TBX4: variants seen among roughly 807,000 people sequenced by gnomAD.
The protein encoded by TBX4 is T-box transcription factor 4, also known as T-box transcription factor TBX4.
In TBX4, 13 loss-of-function variants were observed where a neutral mutation model predicts 54.6. That is an observed-to-expected ratio of 0.24 (90% CI 0.15 to 0.38). TBX4 has a LOEUF of 0.38. TBX4 is among the 10% of genes least tolerant of loss of function. The pLI is 1.00. For synonymous variants in TBX4, 314 were observed against 306.7 expected, an observed-to-expected ratio of 1.02 and a Z score of -0.25; for missense variants, 631 against 728.5, an observed-to-expected ratio of 0.87 and a Z score of 1.54.
chr17:61,471,131 C>T (rs2143834745), intron 5 of TBX4, among the ~76,000 whole-genome samples: 1 of 152,334 alleles, frequency 6.6e-6, no homozygotes, highest in Non-Finnish European at 1.5e-5. Flanking sequence ...CATTAGTCCC[C>T]TTAATATGCG....
chr17:61,470,637 G>A (rs1381911248), intron 5 of TBX4, among the ~76,000 whole-genome samples: 5 of 152,194 alleles, frequency 3.3e-5, no homozygotes, highest in East Asian at 3.9e-4. Flanking sequence ...AGACCTGGGC[G>A]TCAGCTCCAG....
chr17:61,468,372 T>C, intron 5 of TBX4, among the ~76,000 whole-genome samples: 1 of 152,230 alleles, frequency 6.6e-6, no homozygotes, highest in East Asian at 1.9e-4. Context: ...CTCAAGTGTG[T>C]GGCAAACAGA....
At position 61,482,902 on chromosome 17, in the gene TBX4, G is replaced by A. The variant is rs767227688; in HGVS notation, c.1027G>A (p.Gly343Ser). Residue 343 changes from glycine (G) to serine (S), a missense_variant, in exon 9 of 9, where the codon GGT becomes AGT. This residue lies in a region of TBX4 where 354 missense variants were observed against 368.9 expected (regional missense o/e 0.96). Transcript: ENST00000644296. ...FYHCLKRRADGTRHLDLPCKR... is the reference protein window; with the variant it reads ...FYHCLKRRADSTRHLDLPCKR... Reference sequence around the variant, plus strand: ...AATGTTACTTTGTCTTTCAGCAGACGGTACCCGCCACCTGGACTTACCTTG... The same window carrying A: ...AATGTTACTTTGTCTTTCAGCAGACAGTACCCGCCACCTGGACTTACCTTG... 53 of 1,613,520 alleles carry A rather than the reference G, an allele frequency of 3.3e-5. No individual in the cohort carries two copies. The highest frequency in any genetic ancestry group is 1.0e-4 in the Admixed American group (6 of 59,986).
In TBX4 at chr17:61,481,467, AC is replaced by A. The variant is rs1041807324; in HGVS notation, c.1021+1150del. The stretch of plus-strand genomic sequence containing the variant: ...AGTCTTGACCTAGAGTGAGTAGGCC[AC>A]CTGCCAGGATCAAGAGCTTAGCTCA... On this transcript the variant is annotated intron_variant, in intron 8 of 8. Coordinates refer to ENST00000644296, the MANE Select transcript of TBX4 (RefSeq NM_001321120.2). The surrounding 1 kb of genome is among the most constrained non-coding windows in gnomAD (Gnocchi z 4.8). 2.0e-5 allele frequency: 3 copies of A among 152,312 alleles called. No individual in the cohort carries two copies. Among genetic ancestry groups the A allele is most frequent in the African/African-American group, 7.2e-5 (3 of 41,460 alleles). 9.4% of individuals were successfully genotyped at this position (152,312 alleles called of 1,614,324 possible).
rs2060464095 is a variant in TBX4 at position 61,457,775 on chromosome 17, G to A, written c.281+144G>A. 3 of 791,140 alleles carry A rather than the reference G, an allele frequency of 3.8e-6. No homozygotes were observed. In the African/African-American group the frequency reaches 5.2e-5, roughly 14 times the overall value. 49.0% of individuals were successfully genotyped at this position (791,140 alleles called of 1,614,324 possible). A position where few individuals can be genotyped will look rare whatever the true frequency, so the allele number is the denominator to read the frequency against. ...TCGGGCGTCAGTGCCACCTCCCTTC[G>A]CAGCTTGGGACTGGGCCGCCAAAGC... On this transcript the variant is annotated intron_variant, in intron 3 of 8. Transcript: ENST00000644296. This position sits in a 1 kb window ranked among gnomAD's most constrained non-coding sequence, Gnocchi z 8.2.
rs1418638601 is a variant in TBX4 at position 61,483,216 on chromosome 17, C to T, written c.1341C>T (p.Phe447=). Residue 447 remains phenylalanine (F), a synonymous_variant, in exon 9 of 9, where the codon TTC becomes TTT. Coordinates refer to ENST00000644296, the MANE Select transcript of TBX4 (RefSeq NM_001321120.2). The surrounding 1 kb of genome is among the most constrained non-coding windows in gnomAD (Gnocchi z 6.6). Reference sequence around the variant, plus strand: ...CGTACCAGCCCTTCCCCACGCACTTCACCGCCACCACCATGATGCCGCGGC... The same window carrying T: ...CGTACCAGCCCTTCCCCACGCACTTTACCGCCACCACCATGATGCCGCGGC... ...TVPYQPFPTH[F]TATTMMPRLP... is the part of the protein sequence containing the mutation. 2 of 1,614,024 alleles carry T rather than the reference C, an allele frequency of 1.2e-6. No homozygotes were observed. Among genetic ancestry groups the T allele is most frequent in the Admixed American group, 1.7e-5 (1 of 59,998 alleles).
rs2060693900 is a variant in TBX4 at position 61,484,966 on chromosome 17, AT to A, written c.*1451del. 1 of 147,998 alleles carries A rather than the reference AT, an allele frequency of 6.8e-6. No individual in the cohort carries two copies. The highest frequency in any genetic ancestry group is 1.5e-5 in the Non-Finnish European group (1 of 67,106). The allele number at this position is 147,998 out of a possible 1,614,324, so 9.2% of individuals were successfully genotyped here. On this transcript the variant is annotated 3_prime_UTR_variant, in exon 9 of 9. Transcript: ENST00000644296. This position sits in a 1 kb window ranked among gnomAD's most constrained non-coding sequence, Gnocchi z 4.1. Reference sequence around the variant, plus strand: ...AATAAATATATATATATATATATATATATATAAACACACACACACTACAGAT... The same window carrying A: ...AATAAATATATATATATATATATATAATATAAACACACACACACTACAGAT...
At chr17:61,468,439 C>T (rs549719031) in intron 5 of TBX4, among the ~76,000 whole-genome samples, 44 of 152,310 alleles carry the variant, frequency 2.9e-4, no homozygotes, top group Admixed American at 3.9e-4. Flanking sequence ...CGAGACTGCC[C>T]GTGGTTTCTG....
At chr17:61,458,892 G>A (rs1301596404) in intron 3 of TBX4, among the ~76,000 whole-genome samples, 7 of 151,598 alleles carry the variant, frequency 4.6e-5, no homozygotes, top group African/African-American at 1.5e-4. Flanking sequence ...ACAAAAAGCC[G>A]GCTGGTTTGC....
chr17:61,467,065 A>G (rs2060542227), intron 4 of TBX4, among the ~76,000 whole-genome samples: 1 of 152,156 alleles, frequency 6.6e-6, no homozygotes, highest in Non-Finnish European at 1.5e-5. Context: ...AGGCTGAGGC[A>G]GAAGGATTGC....
At position 61,478,524 on chromosome 17, in the gene TBX4, G is replaced by C. The variant is rs965453279; in HGVS notation, c.550-103G>C. Reference sequence around the variant, plus strand: ...CGGTAGGCCCCGGATCCTGGGCTTTGAGGAGAATGAGAAAAACCAGGCCAG... The same window carrying C: ...CGGTAGGCCCCGGATCCTGGGCTTTCAGGAGAATGAGAAAAACCAGGCCAG... On this transcript the variant is annotated intron_variant, in intron 5 of 8. Transcript: ENST00000644296. The surrounding 1 kb of genome is among the most constrained non-coding windows in gnomAD (Gnocchi z 7.4). 1.3e-6 allele frequency: 2 copies of C among 1,518,260 alleles called. No homozygotes were observed. Among genetic ancestry groups the C allele is most frequent in the Non-Finnish European group, 1.8e-6 (2 of 1,096,178 alleles). The allele number at this position is 1,518,260 out of a possible 1,614,324, so 94.0% of individuals were successfully genotyped here.
At chr17:61,468,511 A>C (rs1293119286) in intron 5 of TBX4, among the ~76,000 whole-genome samples, 1 of 152,080 alleles carries the variant, frequency 6.6e-6, no homozygotes, top group East Asian at 1.9e-4. Context: ...TGGGGTTACG[A>C]GATGTGCAGG....
intron 5 of TBX4, among the ~76,000 whole-genome samples, chr17:61,471,902 T>TATTTA (rs141739150): frequency 1.4e-5 from 2 of 139,890 alleles, no homozygotes; most frequent in African/African-American, 5.5e-5. Flanking sequence ...ATTTTTTTTT[T>TATTTA]TTTTTTTTTT....
In TBX4 at chr17:61,483,088, G is replaced by A. The variant is rs1203492219; in HGVS notation, c.1213G>A (p.Val405Met). Residue 405 changes from valine (V) to methionine (M), a missense_variant, in exon 9 of 9, where the codon GTG becomes ATG. By Grantham distance (21) the Val-to-Met change is conservative (BLOSUM62 1). This residue lies in a region of TBX4 where 354 missense variants were observed against 368.9 expected (regional missense o/e 0.96). Transcript: ENST00000644296. This position sits in a 1 kb window ranked among gnomAD's most constrained non-coding sequence, Gnocchi z 6.6. ...AGGTTCAGGGCCCGAGATTGCCGGG[G>A]TGTCTGGGGTGGACGACCTGCCCCC... ...YSGSGPEIAG[V>M]SGVDDLPPPP... 8.1e-6 allele frequency: 13 copies of A among 1,614,004 alleles called. No individual in the cohort carries two copies. Among genetic ancestry groups the A allele is most frequent in the Non-Finnish European group, 9.3e-6 (11 of 1,180,046 alleles).
rs758803990 is a variant in TBX4 at position 61,469,006 on chromosome 17, G to GCA, written c.549+1360_549+1361dup. 5.9e-5 allele frequency among the ~76,000 whole-genome samples: 9 copies of GCA among 152,224 alleles called. No homozygotes were observed. In the South Asian group the frequency reaches 1.7e-3, roughly 28 times the overall value. ...AGGCTAGGGAACCTGGCCCACGACGGCACACACACACAGACCCCATGGGGG... is the reference window on the plus strand; with the variant it reads ...AGGCTAGGGAACCTGGCCCACGACGGCACACACACACACAGACCCCATGGGGG... On this transcript the variant is annotated intron_variant, in intron 5 of 8. Transcript: ENST00000644296.
chr17:61,463,779 G>GCCAGGGCTGCC (rs2060514956), intron 3 of TBX4, among the ~76,000 whole-genome samples: 1 of 152,232 alleles, frequency 6.6e-6, no homozygotes, highest in South Asian at 2.1e-4. Context: ...CCCAAGTATG[G>GCCAGGGCTGCC]CCAGGGCTGC....
rs1323254533 is a variant in TBX4 at position 61,457,931 on chromosome 17, G to A, written c.281+300G>A. ...AGCTCCAGCACTTTTGGCCCCCTGG[G>A]GGGCTGCTTTGCCCTCCTCTCTTTG... On this transcript the variant is annotated intron_variant, in intron 3 of 8. Coordinates refer to ENST00000644296, the MANE Select transcript of TBX4 (RefSeq NM_001321120.2). This position sits in a 1 kb window ranked among gnomAD's most constrained non-coding sequence, Gnocchi z 8.2. 1.3e-5 allele frequency among the ~76,000 whole-genome samples: 2 copies of A among 152,228 alleles called. No homozygotes were observed. The highest frequency in any genetic ancestry group is 2.9e-5 in the Non-Finnish European group (2 of 68,040).
In TBX4 at chr17:61,460,389, T is replaced by G. The variant is rs2060486220; in HGVS notation, c.281+2758T>G. 1 of 152,222 alleles carries G rather than the reference T, an allele frequency of 6.6e-6. No homozygotes were observed. Among genetic ancestry groups the G allele is most frequent in the Non-Finnish European group, 1.5e-5 (1 of 68,052 alleles). 9.4% of individuals were successfully genotyped at this position (152,222 alleles called of 1,614,324 possible). On this transcript the variant is annotated intron_variant, in intron 3 of 8. Coordinates refer to ENST00000644296, the MANE Select transcript of TBX4 (RefSeq NM_001321120.2). This position sits in a 1 kb window ranked among gnomAD's most constrained non-coding sequence, Gnocchi z 4.4. ...TCAGATCACAAGTTTCCTTCCTACC[T>G]TAGCCCTTTGGGTCCTTGAGAGTCT...
rs1056838260 is a variant in TBX4, at chr17:61,478,430, G to A, written c.550-197G>A. ...ATTAGTGCTGGTGCAGAGAGGCTAA[G>A]TAGGGCTGGGGTGGGGAGAGTTTGG... is the stretch of plus-strand genomic sequence containing the variant. On this transcript the variant is annotated intron_variant, in intron 5 of 8. Coordinates refer to ENST00000644296, the MANE Select transcript of TBX4 (RefSeq NM_001321120.2). The surrounding 1 kb of genome is among the most constrained non-coding windows in gnomAD (Gnocchi z 7.4). The A allele has an allele frequency of 3.0e-6, 2 of 662,076 alleles. No individual in the cohort carries two copies. The highest frequency in any genetic ancestry group is 1.8e-5 in the African/African-American group (1 of 55,130). The allele number at this position is 662,076 out of a possible 1,614,324, so 41.0% of individuals were successfully genotyped here. A position where few individuals can be genotyped will look rare whatever the true frequency, so the allele number is the denominator to read the frequency against.
Sources: gnomAD v4.1 joint callset for allele counts (sites outside exome capture counted in the v4.1 genomes callset) on GRCh38, gnomAD v4.1.1 for gene constraint, gnomAD v4.1.1 regional missense constraint, Gnocchi (gnomAD v3.1) non-coding constraint, MANE v1.5 for transcripts, NCBI Gene and HGNC (gene_info 2026-07-23, HGNC 2026-07-21) for gene names.